Variants in ACER1 observed in about 807,000 individuals in gnomAD.
The protein encoded by ACER1 is CTB-180A7.3.
Under a neutral mutation model 24.9 loss-of-function variants are expected in ACER1, and 28 were observed. The ratio of observed to expected loss-of-function variants is 1.13; its 90% CI spans 0.83 to 1.54. The LOEUF (loss-of-function observed/expected upper bound fraction) is 1.54. ACER1 is among the 40% of genes most tolerant of loss of function. The probability of loss-of-function intolerance (pLI) is 0.00; values close to 1 mark genes in which losing one functional copy is unlikely to be tolerated. For missense variants in ACER1, 352 were observed against 349.3 expected, an observed-to-expected ratio of 1.01 and a Z score of -0.06; for synonymous variants, 132 against 131.4, an observed-to-expected ratio of 1.00 and a Z score of -0.03.
At chr19:6,322,278 T>C (rs1013128805) in intron 1 of ACER1, among the ~76,000 whole-genome samples, 7 of 152,226 alleles carry the variant, frequency 4.6e-5, no homozygotes, top group African/African-American at 1.7e-4. Context: ...TGTAACACTG[T>C]CACCCAGGTG....
chr19:6,328,897 ACTC>A (rs2091674523), intron 1 of ACER1, among the ~76,000 whole-genome samples: 1 of 150,392 alleles, frequency 6.6e-6, no homozygotes, highest in South Asian at 2.1e-4. Flanking sequence ...CTGGTCTTGA[ACTC>A]CTGAGCGCAA....
chr19:6,356,297 A>G, the ACER1 span, among the ~76,000 whole-genome samples: 10 of 148,142 alleles, frequency 6.8e-5, no homozygotes, highest in Admixed American at 2.0e-4. Flanking sequence ...AGTCATCACC[A>G]CTCCCTAATC....
At chr19:6,344,368 G>T in the ACER1 span, among the ~76,000 whole-genome samples, 1 of 151,794 alleles carries the variant, frequency 6.6e-6, no homozygotes, top group African/African-American at 2.4e-5. Context: ...CTTGAACCCA[G>T]GAGGCAGAGG....
chr19:6,310,876 TA>T (rs5826928), intron 3 of ACER1, among the ~76,000 whole-genome samples: 40,615 of 121,918 alleles, frequency 0.33, 8,325 homozygotes, highest in African/African-American at 0.62. Flanking sequence ...AGACTTCATC[TA>T]AAAAAAAAAA....
At chr19:6,360,049 C>A in the ACER1 span, 3 of 152,210 alleles carry the variant, frequency 2.0e-5, no homozygotes, top group Admixed American at 6.5e-5. Flanking sequence ...GAAGTCCCAA[C>A]ATTACCAGCA....
chr19:6,343,491 C>T, the ACER1 span, among the ~76,000 whole-genome samples: 3 of 152,058 alleles, frequency 2.0e-5, no homozygotes, highest in Admixed American at 6.6e-5. Flanking sequence ...TCCATCTCAA[C>T]GTGGGGCCTC....
At chr19:6,356,468 TA>T in the ACER1 span, among the ~76,000 whole-genome samples, 8 of 147,398 alleles carry the variant, frequency 5.4e-5, no homozygotes, top group Middle Eastern at 3.4e-3. Context: ...GAATGATCAA[TA>T]AAAAAATAAA....
intron 1 of ACER1, among the ~76,000 whole-genome samples, chr19:6,315,881 G>A (rs1832192307): frequency 6.6e-6 from 1 of 152,200 alleles, no homozygotes; most frequent in Admixed American, 6.5e-5. Flanking sequence ...TGTAATCTCA[G>A]CACTTGGGGA....
At chr19:6,332,198 C>G (rs917201268) in intron 1 of ACER1, among the ~76,000 whole-genome samples, 1 of 151,584 alleles carries the variant, frequency 6.6e-6, no homozygotes, top group African/African-American at 2.4e-5. Context: ...AACTCCTGAC[C>G]TCAGGTGATC....
upstream of ACER1, among the ~76,000 whole-genome samples, chr19:6,336,222 G>T (rs1295363360): frequency 1.3e-5 from 2 of 151,934 alleles, no homozygotes; most frequent in East Asian, 3.9e-4. Flanking sequence ...TTTGAGACAG[G>T]GTCTTGCTCT....
chr19:6,333,846 G>C (rs1036926718), upstream of ACER1, among the ~76,000 whole-genome samples: 6 of 152,188 alleles, frequency 3.9e-5, no homozygotes, highest in Non-Finnish European at 7.4e-5. Context: ...CGGGGTGGGG[G>C]CAGTGGAGGG....
At chr19:6,311,292 C>T (rs2091578642) in intron 3 of ACER1, among the ~76,000 whole-genome samples, 1 of 152,000 alleles carries the variant, frequency 6.6e-6, no homozygotes, top group Non-Finnish European at 1.5e-5. Flanking sequence ...GCCTGTAATC[C>T]CAGCACTTTG....
intron 1 of ACER1, among the ~76,000 whole-genome samples, chr19:6,328,075 C>CAA (rs368610307): frequency 2.4e-4 from 30 of 124,186 alleles, no homozygotes; most frequent in African/African-American, 6.3e-4. Flanking sequence ...GACTCCATCT[C>CAA]AAAAAAAAAA....
chr19:6,306,688 T>C lies in ACER1; in HGVS notation c.*26A>G, dbSNP rs2091553704. On this transcript the variant is annotated 3_prime_UTR_variant, in exon 6 of 6. Coordinates refer to ENST00000301452, the MANE Select transcript of ACER1 (RefSeq NM_133492.3). The stretch of plus-strand genomic sequence containing the variant: ...AAGACACAGGCAAGTTGTTGGGTGG[T>C]TGGATAGTCAAGAGGCTGGCAGGTC... The C allele has an allele frequency of 6.3e-7, 1 of 1,580,092 alleles. No homozygotes were observed. The highest frequency in any genetic ancestry group is 1.3e-5 in the African/African-American group (1 of 74,376).
intron 4 of ACER1, 144 bp from the exon 5 acceptor site, chr19:6,307,434 CCCAAT>C: frequency 1.1e-6 from 1 of 888,720 alleles, no homozygotes; most frequent in South Asian, 1.7e-5. Context: ...GCAGAGGGGG[CCCAAT>C]CTCGTGCTTA....
At chr19:6,359,529 G>C in the ACER1 span, among the ~76,000 whole-genome samples, 1 of 151,912 alleles carries the variant, frequency 6.6e-6, no homozygotes, top group Non-Finnish European at 1.5e-5. Context: ...TGTTGGTCAG[G>C]CTGGTCTCAA....
intron 1 of ACER1, among the ~76,000 whole-genome samples, chr19:6,329,893 T>C (rs2091679236): frequency 6.6e-6 from 1 of 151,086 alleles, no homozygotes. Flanking sequence ...TTTTTTGAGA[T>C]GGAGTCTTGC....
At chr19:6,315,462 C>G (rs988054222) in intron 1 of ACER1, among the ~76,000 whole-genome samples, 5 of 152,088 alleles carry the variant, frequency 3.3e-5, no homozygotes, top group Non-Finnish European at 7.3e-5. Flanking sequence ...TCACTGCAAG[C>G]TCCGCCTCCC....
At chr19:6,320,949 A>C (rs1037221061) in intron 1 of ACER1, among the ~76,000 whole-genome samples, 2 of 151,668 alleles carry the variant, frequency 1.3e-5, no homozygotes, top group African/African-American at 4.8e-5. Flanking sequence ...GAATAGCTAC[A>C]ATGTATTCAG....
Sources: gnomAD v4.1 joint callset for allele counts (sites outside exome capture counted in the v4.1 genomes callset) on GRCh38, gnomAD v4.1.1 for gene constraint, MANE v1.5 for transcripts, NCBI Gene and HGNC (gene_info 2026-07-23, HGNC 2026-07-21) for gene names.